Variants in FGF14 observed in about 807,000 individuals in gnomAD.
FGF14 encodes the protein fibroblast growth factor homologous factor 4.
In FGF14, 5 loss-of-function variants were observed where a neutral mutation model predicts 25.5. The observed-to-expected ratio is 0.20, with a 90% CI of 0.10 to 0.41. FGF14 has a LOEUF of 0.41. FGF14 is among the 10% of genes least tolerant of loss of function. The pLI, the probability that FGF14 is intolerant of heterozygous loss-of-function variation, is 1.00. For missense variants in FGF14, 222 were observed against 320.1 expected, an observed-to-expected ratio of 0.69 and a Z score of 2.34; for synonymous variants, 138 against 118.3, an observed-to-expected ratio of 1.17 and a Z score of -1.08.
At chr13:102,284,382 C>A (rs2053992716) in intron 1 of FGF14, among the ~76,000 whole-genome samples, 2 of 152,132 alleles carry the variant, frequency 1.3e-5, no homozygotes, top group East Asian at 1.9e-4. Context: ...AAGGCAGAAC[C>A]TAATGATAAA....
intron 3 of FGF14, among the ~76,000 whole-genome samples, chr13:101,840,486 T>C (rs2043143861): frequency 6.6e-6 from 1 of 151,496 alleles, no homozygotes; most frequent in African/African-American, 2.4e-5. Context: ...TATTAATATA[T>C]AATTTATAGA....
rs759560619 is a variant in FGF14 at position 101,884,864 on chromosome 13, TACATACACAC to T, written c.194-9578_194-9569del. On this transcript the variant is annotated intron_variant, in intron 1 of 4. Transcript: ENST00000376143. ...TTGACCAAACACACACACAGACACA[TACATACACAC>T]ACACACACACACACACACAGAGTAA... 4.0e-4 allele frequency among the ~76,000 whole-genome samples: 59 copies of T among 148,256 alleles called. 2 individuals are homozygous for T. The South Asian group carries it at 0.013, about 32-fold the overall frequency.
rs992282062 is a variant in FGF14 at position 101,722,721 on chromosome 13, C to T, written c.*110G>A. The T allele has an allele frequency of 2.1e-6, 3 of 1,445,618 alleles. No homozygotes were observed. In the African/African-American group the frequency reaches 4.2e-5, roughly 20 times the overall value. 89.5% of individuals were successfully genotyped at this position (1,445,618 alleles called of 1,614,324 possible). A position where few individuals can be genotyped will look rare whatever the true frequency, so the allele number is the denominator to read the frequency against. On this transcript the variant is annotated 3_prime_UTR_variant, in exon 5 of 5. Coordinates refer to ENST00000376143, the MANE Select transcript of FGF14 (RefSeq NM_004115.4). ...AAGTTCGGAGACAGCAAAGAATAAG[C>T]ATTAGCTTACTTCCTGCTGCTCTTC... is the stretch of plus-strand genomic sequence containing the variant.
intron 1 of FGF14, among the ~76,000 whole-genome samples, chr13:102,016,473 A>G (rs16959611): frequency 0.032 from 4,887 of 152,242 alleles, 252 homozygotes; most frequent in African/African-American, 0.11. Context: ...TTTATTGTTG[A>G]ACCAGAATTA....
chr13:101,870,147 C>T (rs1192760945), intron 2 of FGF14, among the ~76,000 whole-genome samples: 1 of 151,898 alleles, frequency 6.6e-6, no homozygotes, highest in Non-Finnish European at 1.5e-5. Flanking sequence ...TTATGTTATT[C>T]TTATGAAAGA....
chr13:101,878,783 C>G (rs1174752360), intron 1 of FGF14, among the ~76,000 whole-genome samples: 1 of 151,910 alleles, frequency 6.6e-6, no homozygotes, highest in Non-Finnish European at 1.5e-5. Context: ...ATGCACATAC[C>G]TTCAGATATA....
chr13:102,114,548 G>A (rs949166987), intron 1 of FGF14, among the ~76,000 whole-genome samples: 2 of 152,168 alleles, frequency 1.3e-5, no homozygotes, highest in African/African-American at 4.8e-5. Context: ...TAGCCAAGAT[G>A]TAGAAACAAC....
At chr13:101,984,919 A>T (rs747515165) in intron 1 of FGF14, among the ~76,000 whole-genome samples, 11 of 152,242 alleles carry the variant, frequency 7.2e-5, no homozygotes, top group Middle Eastern at 3.4e-3. Context: ...TAAAAATCTA[A>T]TTTTTTGCAA....
chr13:102,088,185 A>G (rs2044012048), intron 1 of FGF14, among the ~76,000 whole-genome samples: 1 of 152,214 alleles, frequency 6.6e-6, no homozygotes. Flanking sequence ...ATGATACACA[A>G]TTGAGACATA....
At chr13:102,224,815 T>C (rs1285298305) in intron 1 of FGF14, among the ~76,000 whole-genome samples, 2 of 152,198 alleles carry the variant, frequency 1.3e-5, no homozygotes, top group African/African-American at 4.8e-5. Context: ...ACAATAATCA[T>C]GGCTGTCTTA....
rs1200565296 is a variant in FGF14, at chr13:101,722,855, T to G, written c.720A>C (p.Pro240=). ...SASAIMNGGK[P]VNKSKTT ...GCTATGTTGTCTTACTCTTGTTGAC[T>G]GGTTTGCCTCCATTCATTATTGCAG... is the stretch of plus-strand genomic sequence containing the variant. Residue 240 remains proline, a synonymous_variant, in exon 5 of 5, where the codon CCA becomes CCC. Coordinates refer to ENST00000376143, the MANE Select transcript of FGF14 (RefSeq NM_004115.4). The G allele has an allele frequency of 6.2e-7, 1 of 1,613,388 alleles. No individual in the cohort carries two copies. The highest frequency in any genetic ancestry group is 8.5e-7 in the Non-Finnish European group (1 of 1,179,562).
chr13:102,255,375 A>G (rs2052385982), intron 1 of FGF14, among the ~76,000 whole-genome samples: 1 of 152,244 alleles, frequency 6.6e-6, no homozygotes, highest in Non-Finnish European at 1.5e-5. Flanking sequence ...ATTTTTACCC[A>G]AAGAAATAAC....
At chr13:101,831,270 AT>A (rs2042657298) in intron 3 of FGF14, among the ~76,000 whole-genome samples, 1 of 151,040 alleles carries the variant, frequency 6.6e-6, no homozygotes, top group Non-Finnish European at 1.5e-5. Context: ...TTATTTATTT[AT>A]TTATTTATTT....
At chr13:102,085,367 AC>A (rs1215994417) in intron 1 of FGF14, among the ~76,000 whole-genome samples, 1 of 152,140 alleles carries the variant, frequency 6.6e-6, no homozygotes, top group African/African-American at 2.4e-5. Flanking sequence ...AGATTCCCTC[AC>A]CCCAAATCCC....
At chr13:101,901,111 G>A (rs895843540) in intron 1 of FGF14, among the ~76,000 whole-genome samples, 5 of 151,948 alleles carry the variant, frequency 3.3e-5, no homozygotes, top group African/African-American at 4.8e-5. Flanking sequence ...CCACAGGTTG[G>A]GAAGAACATT....
At chr13:101,995,957 T>C (rs1480478933) in intron 1 of FGF14, among the ~76,000 whole-genome samples, 2 of 152,152 alleles carry the variant, frequency 1.3e-5, no homozygotes, top group African/African-American at 2.4e-5. Context: ...CAGGGTGATA[T>C]AGTCAATAAT....
chr13:102,076,673 T>C (rs966667097), intron 1 of FGF14, among the ~76,000 whole-genome samples: 2 of 152,092 alleles, frequency 1.3e-5, no homozygotes, highest in Admixed American at 6.6e-5. Context: ...AATAAATCCA[T>C]GAACATGGAT....
chr13:102,161,623 AAGAAGAAGAAGAAGAAGAAGAAGAAGAAG>A lies in FGF14; in HGVS notation c.208+239819_208+239847del. 2.3e-3 allele frequency among the ~76,000 whole-genome samples: 44 copies of A among 19,370 alleles called. 1 individual carries two copies. Among genetic ancestry groups the A allele is most frequent in the African/African-American group, 7.8e-3 (25 of 3,222 alleles). 12.7% of individuals were successfully genotyped at this position (19,370 alleles called of 152,430 possible). ...GAAGAAGAAGAAGAAGAAGAAGAAG[AAGAAGAAGAAGAAGAAGAAGAAGAAGAAG>A]AAGAAGAAGAAGAAGAAGAAGAAGA... On this transcript the variant is annotated intron_variant, in intron 1 of 4. Transcript: ENST00000376131.
intron 1 of FGF14, among the ~76,000 whole-genome samples, chr13:102,159,374 T>C (rs1189351405): frequency 6.6e-6 from 1 of 152,010 alleles, no homozygotes; most frequent in Non-Finnish European, 1.5e-5. Context: ...TTTCTCCAAA[T>C]GGGGAGATGG....
Sources: gnomAD v4.1 joint callset for allele counts (sites outside exome capture counted in the v4.1 genomes callset) on GRCh38, gnomAD v4.1.1 for gene constraint, MANE v1.5 for transcripts, NCBI Gene and HGNC (gene_info 2026-07-23, HGNC 2026-07-21) for gene names.